The following RABGAP1L variants were observed in gnomAD, a reference collection of about 807,000 sequenced individuals.
The protein encoded by RABGAP1L is RAB GTPase activating protein 1 like.
A neutral mutation model predicts 137.7 loss-of-function variants in RABGAP1L; 63 were observed. The ratio of observed to expected loss-of-function variants is 0.46; its 90% CI spans 0.37 to 0.56. RABGAP1L has a LOEUF of 0.56. Ranked by LOEUF, RABGAP1L falls within the 20% of genes least tolerant of loss-of-function variation. The pLI is 0.00. For missense variants in RABGAP1L, 1,095 were observed against 1,244.0 expected (o/e 0.88, Z 1.80); for synonymous variants, 431 against 433.7 (o/e 0.99, Z 0.08).
intron 15 of RABGAP1L, among the ~76,000 whole-genome samples, chr1:174,692,935 C>T (rs1467719737): frequency 6.6e-6 from 1 of 152,114 alleles, no homozygotes; most frequent in Non-Finnish European, 1.5e-5. Context: ...TGCTCAAAAT[C>T]ACCCAGCGAG....
intron 4 of RABGAP1L, among the ~76,000 whole-genome samples, chr1:174,238,375 C>A (rs1188610764): frequency 6.6e-6 from 1 of 152,016 alleles, no homozygotes; most frequent in African/African-American, 2.4e-5. Context: ...TTTTTCTGTT[C>A]TGTTTTTTCC....
intron 11 of RABGAP1L, among the ~76,000 whole-genome samples, chr1:174,343,906 C>T (rs1431139921): frequency 6.6e-6 from 1 of 152,096 alleles, no homozygotes; most frequent in Admixed American, 6.5e-5. Context: ...TTGTGCTTTC[C>T]CCTAGAAGTC....
chr1:174,303,141 G>C (rs911916151), intron 10 of RABGAP1L, among the ~76,000 whole-genome samples: 3 of 151,072 alleles, frequency 2.0e-5, no homozygotes, highest in Non-Finnish European at 1.5e-5. Context: ...TTTTTTTCAT[G>C]TGATTTAATG....
chr1:174,396,131 C>A (rs1441383909), intron 13 of RABGAP1L, among the ~76,000 whole-genome samples: 1 of 151,946 alleles, frequency 6.6e-6, no homozygotes, highest in African/African-American at 2.4e-5. Flanking sequence ...CCTATAGAGA[C>A]AGAAAGTAGA....
chr1:174,543,693 T>A (rs1362772932), intron 13 of RABGAP1L, among the ~76,000 whole-genome samples: 1 of 152,214 alleles, frequency 6.6e-6, no homozygotes, highest in Admixed American at 6.5e-5. Context: ...CTAGCCTCGA[T>A]GGTCTTTACC....
At chr1:174,456,935 A>G (rs1294052118) in intron 13 of RABGAP1L, among the ~76,000 whole-genome samples, 1 of 152,170 alleles carries the variant, frequency 6.6e-6, no homozygotes, top group Non-Finnish European at 1.5e-5. Context: ...TTTCAAATCT[A>G]TAAATTAGGT....
chr1:174,564,445 A>G lies in RABGAP1L; in HGVS notation c.1711-72930A>G, dbSNP rs139723062. On this transcript the variant is annotated intron_variant, in intron 13 of 25. Transcript: ENST00000681986. ...TTGTTTAATCCTCACAGCAACCCAT[A>G]AGATACAACTATTATTATCACCATT... is the stretch of plus-strand genomic sequence containing the variant. 1.4e-3 allele frequency among the ~76,000 whole-genome samples: 214 copies of G among 152,330 alleles called. 1 individual carries two copies. Among genetic ancestry groups the G allele is most frequent in the Non-Finnish European group, 2.2e-3 (147 of 68,028 alleles).
intron 19 of RABGAP1L, among the ~76,000 whole-genome samples, chr1:174,859,280 G>C (rs905435581): frequency 1.3e-5 from 2 of 152,046 alleles, no homozygotes; most frequent in Non-Finnish European, 2.9e-5. Context: ...AGGAGATCGA[G>C]ACCATCTTGC....
At chr1:174,798,296 A>G (rs1573243170) in intron 18 of RABGAP1L, among the ~76,000 whole-genome samples, 1 of 151,434 alleles carries the variant, frequency 6.6e-6, no homozygotes, top group South Asian at 2.1e-4. Flanking sequence ...AGTCCCAGCT[A>G]CTCGGGAGGC....
intron 13 of RABGAP1L, among the ~76,000 whole-genome samples, chr1:174,509,437 C>A (rs1211827614): frequency 6.6e-6 from 1 of 152,032 alleles, no homozygotes; most frequent in East Asian, 1.9e-4. Context: ...AGGTAATGTA[C>A]AATAATACAT....
Position 174,409,425 on chromosome 1 carries a change from A to C in RABGAP1L, c.1710+15280A>C, listed in dbSNP as rs1240260916. Among the ~76,000 whole-genome samples the C allele has an allele frequency of 3.3e-5, 5 of 152,274 alleles. No homozygotes were observed. In the East Asian group the frequency reaches 9.6e-4, roughly 29 times the overall value. On this transcript the variant is annotated intron_variant, in intron 13 of 25. Transcript: ENST00000681986. Reference sequence around the variant, plus strand: ...ATGTACATCACTTCGGGAGCACTATAATTGTATGTAACTGTACAAATTGAT... The same window carrying C: ...ATGTACATCACTTCGGGAGCACTATCATTGTATGTAACTGTACAAATTGAT...
chr1:174,333,745 G>A (rs1217496243), intron 11 of RABGAP1L, among the ~76,000 whole-genome samples: 1 of 152,200 alleles, frequency 6.6e-6, no homozygotes, highest in Non-Finnish European at 1.5e-5. Flanking sequence ...AGGGCAACCT[G>A]TGGAAACCAG....
intron 13 of RABGAP1L, among the ~76,000 whole-genome samples, chr1:174,504,983 A>G (rs1366967599): frequency 6.6e-6 from 1 of 152,198 alleles, no homozygotes; most frequent in African/African-American, 2.4e-5. Context: ...TAAGGGGTTA[A>G]TATCCAAAAT....
At chr1:174,318,532 G>A (rs868109835) in intron 11 of RABGAP1L, among the ~76,000 whole-genome samples, 4 of 151,150 alleles carry the variant, frequency 2.6e-5, no homozygotes, top group South Asian at 4.2e-4. Flanking sequence ...ATTTATATTC[G>A]AGATATTTAT....
chr1:174,957,694 G>A, intron 20 of RABGAP1L, 145 bp downstream of exon 20: 1 of 926,284 alleles, frequency 1.1e-6, no homozygotes, highest in Non-Finnish European at 1.7e-6. Context: ...TGGGATTACA[G>A]GCACGAGCCA....
rs1392567485 is a variant in RABGAP1L at position 174,448,220 on chromosome 1, G to A, written c.1710+54075G>A. 6.2e-7 allele frequency: 1 copy of A among 1,614,090 alleles called. No individual in the cohort carries two copies. Among genetic ancestry groups the A allele is most frequent in the South Asian group, 1.1e-5 (1 of 91,080 alleles). On this transcript the variant is annotated intron_variant, in intron 13 of 25. Transcript: ENST00000681986. The surrounding 1 kb of genome is among the most constrained non-coding windows in gnomAD (Gnocchi z 4.2). ...ACTTGGATTTGGCCACTACAGTGTG[G>A]TGGATGTCTGCATCTTCGAGACAGT...
intron 19 of RABGAP1L, among the ~76,000 whole-genome samples, chr1:174,882,200 G>C (rs1305407550): frequency 1.3e-5 from 2 of 152,094 alleles, no homozygotes; most frequent in Non-Finnish European, 2.9e-5. Flanking sequence ...ATCCTCCTTA[G>C]GTTTGGGTTC....
chr1:174,324,044 C>A (rs189245501), intron 11 of RABGAP1L, among the ~76,000 whole-genome samples: 1 of 152,004 alleles, frequency 6.6e-6, no homozygotes, highest in Non-Finnish European at 1.5e-5. Context: ...ACAGTTTTGG[C>A]GTGTTATTAA....
intron 19 of RABGAP1L, among the ~76,000 whole-genome samples, chr1:174,929,078 G>C (rs760453347): frequency 2.0e-5 from 3 of 152,006 alleles, no homozygotes; most frequent in Non-Finnish European, 4.4e-5. Flanking sequence ...GGGTGGGGCT[G>C]GGGGGAGGGA....
Sources: allele counts gnomAD v4.1 joint callset (sites outside exome capture counted in the v4.1 genomes callset), GRCh38; gene constraint gnomAD v4.1.1; non-coding constraint Gnocchi (gnomAD v3.1); transcripts MANE v1.5; gene names NCBI Gene and HGNC (gene_info 2026-07-23, HGNC 2026-07-21).